BTG4: variants seen among roughly 807,000 people sequenced by gnomAD.
BTG4 encodes the protein protein BTG4.
In BTG4, 10 loss-of-function variants were observed where a neutral mutation model predicts 19.3. The ratio of observed to expected loss-of-function variants is 0.52; its 90% CI spans 0.32 to 0.88. The LOEUF (loss-of-function observed/expected upper bound fraction) is 0.88. Ranked by LOEUF, BTG4 falls within the 40% of genes least tolerant of loss-of-function variation. BTG4 has a pLI of 0.04. For synonymous variants in BTG4, 91 were observed against 95.7 expected, an observed-to-expected ratio of 0.95 and a Z score of 0.29; for missense variants, 238 against 281.9, an observed-to-expected ratio of 0.84 and a Z score of 1.11.
At chr11:111,491,636 T>C (rs978972082), downstream of BTG4, among the ~76,000 whole-genome samples, 4 of 149,710 alleles carry the variant, frequency 2.7e-5, no homozygotes, top group East Asian at 2.0e-4. Context: ...CTCAGGAGGC[T>C]GAGGCAAGAG....
chr11:111,500,054 A>G (rs1865972714), intron 1 of BTG4, among the ~76,000 whole-genome samples: 1 of 152,142 alleles, frequency 6.6e-6, no homozygotes, highest in Admixed American at 6.5e-5. Flanking sequence ...AGGCAGGACA[A>G]TCACTTGAAC....
the BTG4 span, among the ~76,000 whole-genome samples, chr11:111,444,726 A>G: frequency 1.3e-5 from 2 of 152,216 alleles, no homozygotes; most frequent in Non-Finnish European, 2.9e-5. Context: ...TAAAAATTAA[A>G]AAGTAGAAGA....
the BTG4 span, among the ~76,000 whole-genome samples, chr11:111,387,857 G>T: frequency 6.6e-6 from 1 of 152,186 alleles, no homozygotes; most frequent in East Asian, 1.9e-4. Flanking sequence ...CTCACCATGT[G>T]GTCTGTCCAA....
chr11:111,434,068 A>G, the BTG4 span, among the ~76,000 whole-genome samples: 1 of 152,276 alleles, frequency 6.6e-6, no homozygotes, highest in African/African-American at 2.4e-5. Flanking sequence ...CCAAAGGATT[A>G]TAAATCATGC....
At chr11:111,405,034 T>C in the BTG4 span, among the ~76,000 whole-genome samples, 19 of 152,318 alleles carry the variant, frequency 1.2e-4, no homozygotes, top group South Asian at 3.7e-3. Context: ...GGGTGCCTAA[T>C]GCATGTTTGT....
At chr11:111,514,534 C>A, upstream of BTG4, 4 of 496,010 alleles carry the variant, frequency 8.1e-6, no homozygotes, top group East Asian at 3.8e-5. Context: ...CCCCCACTGA[C>A]TCCGACAGGA....
the BTG4 span, among the ~76,000 whole-genome samples, chr11:111,434,666 C>T: frequency 6.6e-6 from 1 of 150,742 alleles, no homozygotes; most frequent in Non-Finnish European, 1.5e-5. Context: ...TGTAAATATA[C>T]CCATCTATGG....
chr11:111,491,115 C>T (rs1865388830), downstream of BTG4, among the ~76,000 whole-genome samples: 1 of 152,090 alleles, frequency 6.6e-6, no homozygotes, highest in South Asian at 2.1e-4. Context: ...TGAAAAGAGC[C>T]AATTCCAAAA....
At chr11:111,399,892 C>CT in the BTG4 span, among the ~76,000 whole-genome samples, 31 of 152,098 alleles carry the variant, frequency 2.0e-4, no homozygotes, top group Admixed American at 2.0e-3. Context: ...CGGGTGTGAG[C>CT]TGAGTGGGAC....
intron 5 of BTG4, chr11:111,473,518 C>T (rs1864207006): frequency 6.6e-6 from 1 of 152,176 alleles, no homozygotes; most frequent in East Asian, 1.9e-4. Context: ...TATAATTGAA[C>T]ATGTCCACAG....
chr11:111,482,766 T>C (rs1864817732), intron 5 of BTG4, among the ~76,000 whole-genome samples: 1 of 151,750 alleles, frequency 6.6e-6, no homozygotes, highest in African/African-American at 2.4e-5. Flanking sequence ...CACTTTAATC[T>C]AAGTCTGGTA....
chr11:111,468,196 C>G (rs1363559852), intron 5 of BTG4, among the ~76,000 whole-genome samples: 2 of 152,118 alleles, frequency 1.3e-5, no homozygotes, highest in Non-Finnish European at 2.9e-5. Context: ...AGAAACTACT[C>G]ACATATGGTA....
chr11:111,439,354 T>A, the BTG4 span, among the ~76,000 whole-genome samples: 3 of 152,208 alleles, frequency 2.0e-5, no homozygotes, highest in Non-Finnish European at 4.4e-5. Flanking sequence ...GACCTGCACC[T>A]GCACTGTTTG....
chr11:111,390,133 T>C, the BTG4 span, among the ~76,000 whole-genome samples: 4 of 152,194 alleles, frequency 2.6e-5, no homozygotes, highest in Admixed American at 6.5e-5. Context: ...TCTGACTCCA[T>C]AGCTTATAAT....
the BTG4 span, chr11:111,448,546 C>T: frequency 6.5e-6 from 1 of 153,062 alleles, no homozygotes; most frequent in African/African-American, 2.4e-5. Context: ...CACCTCTGCC[C>T]TCCCAGGTTC....
At chr11:111,416,220 G>A in the BTG4 span, 1 of 152,054 alleles carries the variant, frequency 6.6e-6, no homozygotes, top group Admixed American at 6.6e-5. Context: ...ATAGGGGGAT[G>A]GAGTTGCCTG....
At chr11:111,463,587 G>C (rs1026903471), downstream of BTG4, 8 of 152,572 alleles carry the variant, frequency 5.2e-5, no homozygotes, top group African/African-American at 1.7e-4. Context: ...CACCATAGGC[G>C]TGTGTCCCCA....
intron 5 of BTG4, among the ~76,000 whole-genome samples, chr11:111,468,280 G>T (rs764704145): frequency 3.8e-4 from 58 of 152,252 alleles, no homozygotes; most frequent in Admixed American, 9.2e-4. Flanking sequence ...TTTTATGGAT[G>T]GGTAAACGAA....
At chr11:111,384,780 G>A in the BTG4 span, 1 of 152,046 alleles carries the variant, frequency 6.6e-6, no homozygotes, top group Non-Finnish European at 1.5e-5. Flanking sequence ...TCTTAAAGCT[G>A]GGAAAAGGAG....
Sources: allele counts gnomAD v4.1 joint callset (sites outside exome capture counted in the v4.1 genomes callset), GRCh38; gene constraint gnomAD v4.1.1; transcripts MANE v1.5; gene names NCBI Gene and HGNC (gene_info 2026-07-23, HGNC 2026-07-21).